The following RASAL2 variants were observed in gnomAD, a reference collection of about 807,000 sequenced individuals.
RASAL2 encodes the protein RAS protein activator like 2.
A neutral mutation model predicts 128.9 loss-of-function variants in RASAL2; 58 were observed. The observed-to-expected ratio is 0.45, with a 90% CI of 0.36 to 0.56. The LOEUF (loss-of-function observed/expected upper bound fraction) is 0.56, where lower values mean the gene tolerates loss of function less well. Ranked by LOEUF, RASAL2 falls within the 20% of genes least tolerant of loss-of-function variation. The pLI is 0.00. For synonymous variants in RASAL2, 561 were observed against 580.8 expected (o/e 0.97, Z 0.49); for missense variants, 1,360 against 1,601.6 (o/e 0.85, Z 2.57).
At chr1:178,189,832 C>A (rs1662428783) in intron 1 of RASAL2, among the ~76,000 whole-genome samples, 1 of 152,114 alleles carries the variant, frequency 6.6e-6, no homozygotes, top group Non-Finnish European at 1.5e-5. Context: ...ATATTTACAG[C>A]AGTCCACGAA....
At chr1:178,381,987 A>C (rs550773644) in intron 3 of RASAL2, among the ~76,000 whole-genome samples, 2 of 152,222 alleles carry the variant, frequency 1.3e-5, no homozygotes, top group Non-Finnish European at 2.9e-5. Flanking sequence ...TTGGACTGAC[A>C]TGTTCAAAAT....
At chr1:178,393,865 A>G (rs1673061322) in intron 4 of RASAL2, among the ~76,000 whole-genome samples, 1 of 152,228 alleles carries the variant, frequency 6.6e-6, no homozygotes, top group Non-Finnish European at 1.5e-5. Context: ...ATCAAAGACC[A>G]GAATCGAACG....
At chr1:178,423,695 G>C (rs1406895155) in intron 5 of RASAL2, among the ~76,000 whole-genome samples, 1 of 152,024 alleles carries the variant, frequency 6.6e-6, no homozygotes, top group Non-Finnish European at 1.5e-5. Context: ...ACTGTGTATT[G>C]CCTCTCTAAA....
chr1:178,148,020 G>A (rs889457616), intron 1 of RASAL2, among the ~76,000 whole-genome samples: 21 of 152,048 alleles, frequency 1.4e-4, no homozygotes, highest in Admixed American at 7.2e-4. Context: ...GCAGTGAGCC[G>A]AGATGATGCC....
intron 5 of RASAL2, among the ~76,000 whole-genome samples, chr1:178,423,736 A>G (rs1032877929): frequency 6.6e-6 from 1 of 151,870 alleles, no homozygotes; most frequent in Non-Finnish European, 1.5e-5. Flanking sequence ...TCTTTGTTTT[A>G]ATTTGTATTT....
intron 1 of RASAL2, among the ~76,000 whole-genome samples, chr1:178,128,331 A>G (rs1473224365): frequency 6.6e-6 from 1 of 152,150 alleles, no homozygotes; most frequent in Non-Finnish European, 1.5e-5. Context: ...TTAACTGAAT[A>G]ACATAATACT....
intron 11 of RASAL2, among the ~76,000 whole-genome samples, chr1:178,453,060 G>C (rs1034876074): frequency 1.3e-5 from 2 of 151,958 alleles, no homozygotes; most frequent in Non-Finnish European, 1.5e-5. Flanking sequence ...CAAATTCTGC[G>C]GTTACAATGT....
chr1:178,184,085 A>G (rs747505823), intron 1 of RASAL2, among the ~76,000 whole-genome samples: 15 of 152,136 alleles, frequency 9.9e-5, no homozygotes, highest in Non-Finnish European at 2.1e-4. Context: ...CATATTTGCT[A>G]TCTGTGTATT....
chr1:178,457,539 C>T (rs866402299), intron 13 of RASAL2, 144 bp from the exon 14 acceptor site: 2 of 853,702 alleles, frequency 2.3e-6, no homozygotes, highest in Middle Eastern at 2.3e-4. Flanking sequence ...GTAATAATTC[C>T]CTAATTAGAT....
chr1:178,383,371 G>T (rs1672386491), intron 3 of RASAL2, among the ~76,000 whole-genome samples: 1 of 152,114 alleles, frequency 6.6e-6, no homozygotes, highest in Admixed American at 6.5e-5. Flanking sequence ...GTAAAAGTGG[G>T]ATACAGCAGA....
intron 2 of RASAL2, among the ~76,000 whole-genome samples, chr1:178,299,164 A>G (rs1201626268): frequency 2.0e-5 from 3 of 152,218 alleles, no homozygotes; most frequent in Non-Finnish European, 1.5e-5. Flanking sequence ...TTATGTTGGT[A>G]TCTATACAAG....
chr1:178,121,494 C>CTT (rs1439464541), intron 1 of RASAL2, among the ~76,000 whole-genome samples: 8 of 145,430 alleles, frequency 5.5e-5, no homozygotes, highest in Admixed American at 2.1e-4. Context: ...TGGTTGTTTT[C>CTT]TTTTTTTTTT....
intron 3 of RASAL2, among the ~76,000 whole-genome samples, chr1:178,382,827 CATT>C (rs1249302523): frequency 1.3e-5 from 2 of 152,162 alleles, no homozygotes; most frequent in Non-Finnish European, 2.9e-5. Context: ...TCATCATCAT[CATT>C]AAGATACCCA....
At chr1:178,204,623 T>A (rs1292854830) in intron 1 of RASAL2, among the ~76,000 whole-genome samples, 1 of 152,192 alleles carries the variant, frequency 6.6e-6, no homozygotes, top group Non-Finnish European at 1.5e-5. Context: ...AGCCAAATAT[T>A]GAAATTTTGC....
chr1:178,268,199 A>T (rs537654901), intron 1 of RASAL2, among the ~76,000 whole-genome samples: 1 of 152,150 alleles, frequency 6.6e-6, no homozygotes, highest in East Asian at 1.9e-4. Flanking sequence ...GCTGGGCGCA[A>T]TGGCTCCCAC....
intron 1 of RASAL2, among the ~76,000 whole-genome samples, chr1:178,219,424 G>A (rs1440146479): frequency 6.6e-6 from 1 of 151,976 alleles, no homozygotes; most frequent in African/African-American, 2.4e-5. Context: ...GAGGCTGGTG[G>A]ATCGCTTGAG....
intron 5 of RASAL2, among the ~76,000 whole-genome samples, chr1:178,425,953 G>A (rs770189331): frequency 1.3e-5 from 2 of 152,070 alleles, no homozygotes; most frequent in Non-Finnish European, 2.9e-5. Flanking sequence ...CTCTGCATAG[G>A]AAGTTGATTT....
At chr1:178,448,487 C>T (rs1187416351) in intron 9 of RASAL2, among the ~76,000 whole-genome samples, 1 of 151,964 alleles carries the variant, frequency 6.6e-6, no homozygotes, top group Admixed American at 6.6e-5. Flanking sequence ...TTTTGTCTTC[C>T]TGCTTATCTT....
rs1648549231 is a variant in RASAL2, at chr1:178,474,709, T to G, written c.*1470T>G. The G allele has an allele frequency of 6.6e-6, 1 of 151,634 alleles. No homozygotes were observed. Among genetic ancestry groups the G allele is most frequent in the African/African-American group, 2.4e-5 (1 of 41,320 alleles). The allele number at this position is 151,634 out of a possible 1,614,324, so 9.4% of individuals were successfully genotyped here. On this transcript the variant is annotated 3_prime_UTR_variant, in exon 18 of 18. Coordinates refer to ENST00000367649, the MANE Select transcript of RASAL2 (RefSeq NM_170692.4). ...TATACAAATATATATATAATATATA[T>G]TCACACATATGTACATATAACTGCA... is the stretch of plus-strand genomic sequence containing the variant.
Sources: allele counts gnomAD v4.1 joint callset (sites outside exome capture counted in the v4.1 genomes callset), GRCh38; gene constraint gnomAD v4.1.1; transcripts MANE v1.5; gene names NCBI Gene and HGNC (gene_info 2026-07-23, HGNC 2026-07-21).